The following LIMS1 variants were observed in gnomAD, a reference collection of about 807,000 sequenced individuals.
The protein encoded by LIMS1 is LIM and senescent cell antigen-like-containing domain protein 1.
LIMS1 carries 18 observed loss-of-function variants against 44.1 expected under a neutral mutation model. The observed-to-expected ratio is 0.41, with a 90% confidence interval of 0.28 to 0.61. The LOEUF (loss-of-function observed/expected upper bound fraction) is 0.61, where lower values mean the gene tolerates loss of function less well. LIMS1 is among the 20% of genes least tolerant of loss of function. The pLI is 0.32. For missense variants in LIMS1, 201 were observed against 422.0 expected, an observed-to-expected ratio of 0.48 and a Z score of 4.59; for synonymous variants, 93 against 149.1, an observed-to-expected ratio of 0.62 and a Z score of 2.74.
intron 1 of LIMS1, among the ~76,000 whole-genome samples, chr2:108,554,426 G>T (rs1573318545): frequency 1.3e-5 from 2 of 152,236 alleles, no homozygotes; most frequent in South Asian, 2.1e-4. Context: ...GTCCCATTGG[G>T]GTAGTGCTAC....
intron 1 of LIMS1, among the ~76,000 whole-genome samples, chr2:108,557,925 A>G (rs10432615): frequency 0.36 from 55,123 of 152,124 alleles, 11,865 homozygotes; most frequent in East Asian, 0.88. Flanking sequence ...TTCTACTAAT[A>G]AGTACAATGT....
At chr2:108,582,026 G>A (rs1284187972) in intron 1 of LIMS1, among the ~76,000 whole-genome samples, 3 of 152,070 alleles carry the variant, frequency 2.0e-5, no homozygotes, top group South Asian at 2.1e-4. Context: ...TTCAAGTTGG[G>A]GACTTCTTTG....
intron 1 of LIMS1, among the ~76,000 whole-genome samples, chr2:108,622,824 T>G (rs1688327561): frequency 6.6e-6 from 1 of 152,126 alleles, no homozygotes; most frequent in South Asian, 2.1e-4. Context: ...AGGAATTTCC[T>G]TTTTTAAAAA....
intron 1 of LIMS1, among the ~76,000 whole-genome samples, chr2:108,574,635 C>A (rs1573354604): frequency 6.6e-6 from 1 of 152,178 alleles, no homozygotes; most frequent in Non-Finnish European, 1.5e-5. Flanking sequence ...TGAGCTTGTG[C>A]ACTACATAAA....
chr2:108,683,831 T>C, intron 9 of LIMS1, 54 bp from the exon 10 acceptor site: 3 of 940,508 alleles, frequency 3.2e-6, no homozygotes, highest in Non-Finnish European at 4.9e-6. Flanking sequence ...TTTATATATC[T>C]TTGTTGAATA....
chr2:108,680,742 T>C (rs1291047871), exon 9 of LIMS1: 3 of 1,610,706 alleles, frequency 1.9e-6, no homozygotes, highest in African/African-American at 2.7e-5. Context: ...CTTTGCCTGT[T>C]CTACCTGCAA....
At chr2:108,677,739 C>T (rs1022197479) in intron 7 of LIMS1, among the ~76,000 whole-genome samples, 1 of 152,204 alleles carries the variant, frequency 6.6e-6, no homozygotes, top group Admixed American at 6.5e-5. Context: ...TATGGACTCA[C>T]AGATTTCTAT....
chr2:108,607,738 TTA>T (rs1687352877), intron 1 of LIMS1, among the ~76,000 whole-genome samples: 1 of 152,204 alleles, frequency 6.6e-6, no homozygotes, highest in Non-Finnish European at 1.5e-5. Context: ...GCATAATGTT[TTA>T]TGTCTTCTGT....
At chr2:108,602,989 C>A (rs1245715443) in intron 1 of LIMS1, among the ~76,000 whole-genome samples, 2 of 152,042 alleles carry the variant, frequency 1.3e-5, no homozygotes, top group South Asian at 2.1e-4. Context: ...GTCATGGTAC[C>A]CAGCCAGGCT....
At chr2:108,569,433 C>G (rs1685408208) in intron 1 of LIMS1, among the ~76,000 whole-genome samples, 1 of 152,072 alleles carries the variant, frequency 6.6e-6, no homozygotes, top group South Asian at 2.1e-4. Flanking sequence ...TGCCTTTCTC[C>G]TTGTATTTTC....
At chr2:108,606,409 T>G (rs1265850023) in intron 1 of LIMS1, among the ~76,000 whole-genome samples, 2 of 152,198 alleles carry the variant, frequency 1.3e-5, no homozygotes, top group African/African-American at 4.8e-5. Context: ...ACCAGCAAAC[T>G]CTGTCACTGA....
At chr2:108,572,983 A>G (rs1685537888) in intron 1 of LIMS1, among the ~76,000 whole-genome samples, 1 of 152,188 alleles carries the variant, frequency 6.6e-6, no homozygotes, top group African/African-American at 2.4e-5. Context: ...GACTGAGTGT[A>G]TGCTTGTCGG....
intron 1 of LIMS1, among the ~76,000 whole-genome samples, chr2:108,596,672 A>G (rs1294283652): frequency 6.6e-6 from 1 of 152,228 alleles, no homozygotes; most frequent in Non-Finnish European, 1.5e-5. Context: ...AAAAATACAA[A>G]ATTAGCCAGG....
chr2:108,650,473 A>G lies in LIMS1; in HGVS notation c.33-9132A>G, dbSNP rs553868406. Among the ~76,000 whole-genome samples, 13 of 148,716 alleles carry G rather than the reference A, an allele frequency of 8.7e-5. No individual in the cohort carries two copies. The East Asian group carries it at 2.6e-3, about 30-fold the overall frequency. ...GCTCTTGTTGCCCAGGCTTGAGTGC[A>G]GTTGCACAATCTCGGCTCACTGCAG... is the stretch of plus-strand genomic sequence containing the variant. On this transcript the variant is annotated intron_variant, in intron 1 of 9. Transcript: ENST00000544547.
chr2:108,586,108 C>T (rs568738672), intron 1 of LIMS1, among the ~76,000 whole-genome samples: 12 of 152,198 alleles, frequency 7.9e-5, no homozygotes, highest in African/African-American at 2.6e-4. Flanking sequence ...AGGAGAATGG[C>T]GTGAACCCAG....
intron 1 of LIMS1, among the ~76,000 whole-genome samples, chr2:108,569,764 CTTTTTTTTTTTTT>C (rs10596766): frequency 8.8e-6 from 1 of 113,102 alleles, no homozygotes; most frequent in Non-Finnish European, 1.7e-5. Flanking sequence ...CCATATCTGG[CTTTTTTTTTTTTT>C]TTTTTTAGTG....
intron 2 of LIMS1, chr2:108,662,776 T>C (rs1205729289): frequency 5.0e-5 from 45 of 900,828 alleles, no homozygotes; most frequent in Non-Finnish European, 5.9e-5. Flanking sequence ...TCAGTCTTTG[T>C]ATAATAAATG....
Position 108,580,302 on chromosome 2 carries a change from C to T in LIMS1, c.32+45708C>T, listed in dbSNP as rs143717707. Among the ~76,000 whole-genome samples the T allele has an allele frequency of 5.3e-5, 8 of 152,284 alleles. No homozygotes were observed. The East Asian group carries it at 1.2e-3, about 22-fold the overall frequency. On this transcript the variant is annotated intron_variant, in intron 1 of 9. Transcript: ENST00000544547. ...ATTTCTAGTCTTTGAGAAATAGTAT[C>T]TGATTAACTTAGTTCAAGTCCATAG...
chr2:108,664,825 G>A (rs1169599412), intron 2 of LIMS1, among the ~76,000 whole-genome samples: 9 of 152,172 alleles, frequency 5.9e-5, no homozygotes, highest in Non-Finnish European at 1.2e-4. Flanking sequence ...CAAGAGATTT[G>A]CAGGATGAAT....
Sources: allele counts gnomAD v4.1 joint callset (sites outside exome capture counted in the v4.1 genomes callset), GRCh38; gene constraint gnomAD v4.1.1; transcripts MANE v1.5; gene names NCBI Gene and HGNC (gene_info 2026-07-23, HGNC 2026-07-21).